The following MYO18B variants were observed in gnomAD, a reference collection of about 807,000 sequenced individuals.
MYO18B encodes the protein unconventional myosin-XVIIIb.
Under a neutral mutation model 273.0 loss-of-function variants are expected in MYO18B, and 204 were observed. That is an observed-to-expected ratio of 0.75 (90% CI 0.67 to 0.84). MYO18B has a LOEUF of 0.84. Ranked by LOEUF, MYO18B falls within the 40% of genes least tolerant of loss-of-function variation. The pLI is 0.00. For synonymous variants in MYO18B, 1,330 were observed against 1,305.7 expected, an observed-to-expected ratio of 1.02 and a Z score of -0.40; for missense variants, 3,212 against 3,287.6, an observed-to-expected ratio of 0.98 and a Z score of 0.56.
rs60732274 is a variant in MYO18B at position 25,760,411 on chromosome 22, CAAAAAA to C, written c.-109-555_-109-550del. ...TGGGCATCAGAGCAAGACTCCATCT[CAAAAAA>C]AAAAAAAAAAAAAAAAACACAAAAA... is the stretch of plus-strand genomic sequence containing the variant. On this transcript the variant is annotated intron_variant, in intron 1 of 43. Coordinates refer to ENST00000335473, the MANE Select transcript of MYO18B (RefSeq NM_032608.7). 2.3e-4 allele frequency among the ~76,000 whole-genome samples: 14 copies of C among 61,088 alleles called. No individual in the cohort carries two copies. In the East Asian group the frequency reaches 7.7e-3, roughly 34 times the overall value. The allele number at this position is 61,088 out of a possible 152,430, so 40.1% of individuals were successfully genotyped here. A position where few individuals can be genotyped will look rare whatever the true frequency, so the allele number is the denominator to read the frequency against.
the MYO18B span, among the ~76,000 whole-genome samples, chr22:26,055,031 C>G: frequency 6.6e-6 from 1 of 152,114 alleles, no homozygotes; most frequent in African/African-American, 2.4e-5. Context: ...ACAGCACAGT[C>G]TAGTAGATGT....
chr22:26,044,141 G>A, the MYO18B span, among the ~76,000 whole-genome samples: 8 of 152,284 alleles, frequency 5.3e-5, no homozygotes, highest in East Asian at 5.8e-4. Flanking sequence ...ATATTCTTGC[G>A]TGATGTGTCT....
chr22:25,957,696 C>T lies in MYO18B; in HGVS notation c.6156+2332C>T, dbSNP rs1490668210. Among the ~76,000 whole-genome samples the T allele has an allele frequency of 3.9e-5, 6 of 152,194 alleles. No homozygotes were observed. In the South Asian group the frequency reaches 1.0e-3, roughly 26 times the overall value. ...GCTCTGGAAGAGCATCCTTCCTTGC[C>T]TCTTCCAGCTTCTGATGGCTCCAGG... is the stretch of plus-strand genomic sequence containing the variant. On this transcript the variant is annotated intron_variant, in intron 39 of 43. Transcript: ENST00000335473.
At chr22:25,763,009 G>T in intron 2 of MYO18B, 1 of 718,550 alleles carries the variant, frequency 1.4e-6, no homozygotes, top group Non-Finnish European at 2.6e-6. Flanking sequence ...ACATTGACCC[G>T]CATAATTCCT....
At chr22:25,753,029 C>T (rs11704140) in intron 1 of MYO18B, among the ~76,000 whole-genome samples, 47,752 of 152,144 alleles carry the variant, frequency 0.31, 7,876 homozygotes, top group South Asian at 0.42. Context: ...GTGCCTCAGC[C>T]GCCTCCCCGC....
At chr22:25,865,520 A>C (rs566266392) in intron 21 of MYO18B, among the ~76,000 whole-genome samples, 1 of 152,372 alleles carries the variant, frequency 6.6e-6, no homozygotes, top group African/African-American at 2.4e-5. Flanking sequence ...AGGATGAAAT[A>C]ACTCCTAACA....
intron 1 of MYO18B, among the ~76,000 whole-genome samples, chr22:25,744,676 G>C (rs1418100636): frequency 6.6e-6 from 1 of 152,216 alleles, no homozygotes; most frequent in African/African-American, 2.4e-5. Context: ...GGAGCTTGCA[G>C]TGAGCCGAGA....
chr22:25,838,957 T>A (rs971253779), intron 17 of MYO18B, among the ~76,000 whole-genome samples: 3 of 147,768 alleles, frequency 2.0e-5, no homozygotes, highest in African/African-American at 7.9e-5. Flanking sequence ...GTATGTCTAG[T>A]TGTTTGTATA....
intron 21 of MYO18B, among the ~76,000 whole-genome samples, chr22:25,855,795 C>T (rs989715948): frequency 3.3e-5 from 5 of 151,564 alleles, no homozygotes; most frequent in African/African-American, 1.2e-4. Flanking sequence ...GTTGAATGTA[C>T]AAATATCTCT....
At chr22:25,881,059 G>A (rs763775428) in intron 25 of MYO18B, among the ~76,000 whole-genome samples, 2 of 152,248 alleles carry the variant, frequency 1.3e-5, no homozygotes, top group Admixed American at 1.3e-4. Context: ...AATGGTAACT[G>A]TAAATGGATT....
chr22:25,815,617 C>T (rs2088965706), intron 12 of MYO18B, among the ~76,000 whole-genome samples: 1 of 152,144 alleles, frequency 6.6e-6, no homozygotes, highest in Non-Finnish European at 1.5e-5. Context: ...CAGTTCTTTC[C>T]ACAATTCCCA....
intron 12 of MYO18B, among the ~76,000 whole-genome samples, chr22:25,816,204 T>C (rs2088996387): frequency 6.6e-6 from 1 of 152,208 alleles, no homozygotes; most frequent in Admixed American, 6.5e-5. Context: ...GCTGCCTGAA[T>C]TGGATTTTCT....
chr22:25,781,423 T>G (rs1246733902), intron 9 of MYO18B, among the ~76,000 whole-genome samples: 1 of 151,932 alleles, frequency 6.6e-6, no homozygotes, highest in Non-Finnish European at 1.5e-5. Flanking sequence ...TCCTGGCTAA[T>G]GCGGTGAAAC....
intron 16 of MYO18B, 70 bp downstream of exon 16, chr22:25,833,067 A>C (rs1444865714): frequency 4.9e-6 from 7 of 1,417,924 alleles, no homozygotes; most frequent in Non-Finnish European, 7.0e-6. Context: ...GGTGGATTTG[A>C]GTCTTCAGTC....
chr22:25,920,805 C>G (rs2146439907), intron 33 of MYO18B, among the ~76,000 whole-genome samples: 1 of 152,326 alleles, frequency 6.6e-6, no homozygotes, highest in South Asian at 2.1e-4. Flanking sequence ...TCCAGAGGCT[C>G]TGTCCAGTCC....
intron 38 of MYO18B, among the ~76,000 whole-genome samples, chr22:25,953,307 G>T (rs1431316800): frequency 6.6e-6 from 1 of 152,176 alleles, no homozygotes; most frequent in Non-Finnish European, 1.5e-5. Context: ...CTGATGAGAA[G>T]ATGACCCCGG....
intron 39 of MYO18B, among the ~76,000 whole-genome samples, chr22:25,963,447 A>G (rs1443070271): frequency 6.7e-6 from 1 of 150,122 alleles, no homozygotes; most frequent in South Asian, 2.2e-4. Flanking sequence ...CATCATGCTT[A>G]TCTCTGCCTC....
At chr22:25,885,275 A>G (rs2091462930) in intron 25 of MYO18B, among the ~76,000 whole-genome samples, 1 of 152,204 alleles carries the variant, frequency 6.6e-6, no homozygotes, top group East Asian at 1.9e-4. Flanking sequence ...CAGAGAGCTG[A>G]AGTGATTTGT....
In MYO18B at chr22:25,876,240, GCAGTCAAGGA is replaced by G; in HGVS notation, c.4134_4143del (p.Val1379GlyfsTer33). 6.2e-7 allele frequency: 1 copy of G among 1,613,266 alleles called. No individual in the cohort carries two copies. ...CCAGAAGAATGTGGCTGTGTTCCTC[GCAGTCAAGGA>G]CTGGCCATGGTGGCAGCTGCTTGGT... On this transcript the variant is annotated frameshift_variant, in exon 24 of 44. Coordinates refer to ENST00000335473, the MANE Select transcript of MYO18B (RefSeq NM_032608.7). LOFTEE classifies it high-confidence loss of function.
Sources: gnomAD v4.1 joint callset for allele counts (sites outside exome capture counted in the v4.1 genomes callset) on GRCh38, gnomAD v4.1.1 for gene constraint, MANE v1.5 for transcripts, NCBI Gene and HGNC (gene_info 2026-07-23, HGNC 2026-07-21) for gene names.